The following PTPRD variants were observed in gnomAD, a reference collection of about 807,000 sequenced individuals.
PTPRD encodes the protein receptor-type tyrosine-protein phosphatase delta.
A neutral mutation model predicts 214.5 loss-of-function variants in PTPRD; 34 were observed. The observed-to-expected ratio is 0.16, with a 90% CI of 0.12 to 0.21. The LOEUF is 0.21. PTPRD is among the 10% of genes least tolerant of loss of function. The probability of loss-of-function intolerance (pLI) is 1.00; values close to 1 mark genes in which losing one functional copy is unlikely to be tolerated. For missense variants in PTPRD, 2,545 were observed against 2,398.7 expected (o/e 1.06, Z -1.27); for synonymous variants, 1,128 against 845.7 (o/e 1.33, Z -5.79).
rs2095911463 is a variant in PTPRD, at chr9:8,623,959, G to A, written c.352+9358C>T. Among the ~76,000 whole-genome samples, 4 of 151,952 alleles carry A rather than the reference G, an allele frequency of 2.6e-5. No individual in the cohort carries two copies. The South Asian group carries it at 6.2e-4, about 24-fold the overall frequency. On this transcript the variant is annotated intron_variant, in intron 14 of 45. Coordinates refer to ENST00000381196, the MANE Select transcript of PTPRD (RefSeq NM_002839.4). Reference sequence around the variant, plus strand: ...CTATTATCTCTTTCAAAGTTTCAAGGATATTTGAAATTCTTCTGCTTCTTC... The same window carrying A: ...CTATTATCTCTTTCAAAGTTTCAAGAATATTTGAAATTCTTCTGCTTCTTC...
chr9:9,318,278 G>C (rs890150800), intron 9 of PTPRD, among the ~76,000 whole-genome samples: 1 of 145,736 alleles, frequency 6.9e-6, no homozygotes, highest in African/African-American at 2.5e-5. Context: ...TTAAAAACAA[G>C]TTTGCCACAA....
chr9:8,688,945 T>A (rs752656835), intron 12 of PTPRD, among the ~76,000 whole-genome samples: 2 of 152,184 alleles, frequency 1.3e-5, no homozygotes, highest in Admixed American at 1.3e-4. Flanking sequence ...TCAACACACA[T>A]GAATGCATTT....
chr9:10,480,987 G>A (rs189529271), intron 2 of PTPRD, among the ~76,000 whole-genome samples: 7 of 151,632 alleles, frequency 4.6e-5, no homozygotes, highest in South Asian at 2.1e-4. Context: ...GACTCAAGTC[G>A]AGTCAATAAT....
intron 11 of PTPRD, among the ~76,000 whole-genome samples, chr9:8,863,454 T>C (rs1351727356): frequency 6.6e-6 from 1 of 152,226 alleles, no homozygotes; most frequent in Non-Finnish European, 1.5e-5. Flanking sequence ...ATTTCTTTTT[T>C]GTTGCATGCA....
At chr9:9,292,909 G>C (rs2134191845) in intron 9 of PTPRD, among the ~76,000 whole-genome samples, 1 of 151,514 alleles carries the variant, frequency 6.6e-6, no homozygotes, top group Admixed American at 6.6e-5. Flanking sequence ...CAAAACCTCA[G>C]AAGTAAAGGG....
At chr9:9,054,461 A>G (rs2099692539) in intron 10 of PTPRD, among the ~76,000 whole-genome samples, 1 of 152,180 alleles carries the variant, frequency 6.6e-6, no homozygotes, top group Non-Finnish European at 1.5e-5. Context: ...CATGACGTTT[A>G]CCAGTAATAT....
chr9:9,162,593 C>A (rs1216366021), intron 10 of PTPRD, among the ~76,000 whole-genome samples: 1 of 152,082 alleles, frequency 6.6e-6, no homozygotes, highest in African/African-American at 2.4e-5. Context: ...AAATTCTCCA[C>A]CCTCCACCTG....
intron 5 of PTPRD, among the ~76,000 whole-genome samples, chr9:9,893,307 G>C (rs904129206): frequency 1.3e-5 from 2 of 151,932 alleles, no homozygotes; most frequent in Non-Finnish European, 2.9e-5. Flanking sequence ...TGGGCTAAAT[G>C]CTCCCAATTA....
intron 7 of PTPRD, among the ~76,000 whole-genome samples, chr9:9,731,871 T>G (rs1421464864): frequency 1.3e-5 from 2 of 152,204 alleles, no homozygotes; most frequent in Non-Finnish European, 2.9e-5. Flanking sequence ...GTGTTAGGTA[T>G]GCTGCAGTAA....
intron 35 of PTPRD, among the ~76,000 whole-genome samples, chr9:8,422,386 G>A (rs10758972): frequency 0.5 from 75,760 of 151,730 alleles, 19,356 homozygotes; most frequent in East Asian, 0.72. Flanking sequence ...CATGACTTTA[G>A]GAGGTAATAT....
intron 11 of PTPRD, among the ~76,000 whole-genome samples, chr9:8,848,212 T>A (rs750296347): frequency 2.6e-5 from 4 of 151,320 alleles, no homozygotes; most frequent in South Asian, 2.1e-4. Flanking sequence ...GGTAAAAAAA[T>A]GTTTTTTTCA....
intron 10 of PTPRD, among the ~76,000 whole-genome samples, chr9:9,133,216 G>A (rs1428599003): frequency 6.6e-6 from 1 of 152,156 alleles, no homozygotes; most frequent in Non-Finnish European, 1.5e-5. Flanking sequence ...ATTACACAGA[G>A]GTAGGGCAGG....
chr9:10,124,691 T>G (rs1204593652), intron 3 of PTPRD, among the ~76,000 whole-genome samples: 1 of 151,622 alleles, frequency 6.6e-6, no homozygotes, highest in Non-Finnish European at 1.5e-5. Context: ...GTTAGGATTA[T>G]TATTGTTTAA....
chr9:9,730,127 C>T (rs1317672078), intron 7 of PTPRD, among the ~76,000 whole-genome samples: 1 of 151,992 alleles, frequency 6.6e-6, no homozygotes, highest in African/African-American at 2.4e-5. Context: ...AAAAGAAATA[C>T]ACTTTTTAAA....
chr9:8,962,500 G>A (rs2099163905), intron 11 of PTPRD, among the ~76,000 whole-genome samples: 1 of 151,450 alleles, frequency 6.6e-6, no homozygotes, highest in African/African-American at 2.4e-5. Context: ...ATAAGACATG[G>A]GGGAGGGAAT....
intron 3 of PTPRD, among the ~76,000 whole-genome samples, chr9:10,340,488 C>G (rs1419131088): frequency 6.6e-6 from 1 of 151,660 alleles, no homozygotes; most frequent in African/African-American, 2.4e-5. Context: ...GGTTTAAGTA[C>G]AAAATTGTAT....
At chr9:8,713,798 A>T in intron 12 of PTPRD, 2 of 1,533,900 alleles carry the variant, frequency 1.3e-6, no homozygotes, top group Non-Finnish European at 1.8e-6. Flanking sequence ...CGCCTTCAGC[A>T]CAAGCCACGA....
At chr9:10,467,850 G>C (rs1173679449) in intron 2 of PTPRD, among the ~76,000 whole-genome samples, 1 of 151,844 alleles carries the variant, frequency 6.6e-6, no homozygotes, top group Non-Finnish European at 1.5e-5. Context: ...AAAACATAAA[G>C]ATACTTCTCA....
At chr9:10,063,825 G>T (rs1030564136) in intron 3 of PTPRD, among the ~76,000 whole-genome samples, 2 of 151,842 alleles carry the variant, frequency 1.3e-5, no homozygotes, top group Admixed American at 1.3e-4. Flanking sequence ...TAGCAGTACT[G>T]GGGAAAAACA....
Sources: gnomAD v4.1 joint callset for allele counts (sites outside exome capture counted in the v4.1 genomes callset) on GRCh38, gnomAD v4.1.1 for gene constraint, MANE v1.5 for transcripts, NCBI Gene and HGNC (gene_info 2026-07-23, HGNC 2026-07-21) for gene names.